Variants in LRRC4C observed in about 807,000 individuals in gnomAD.
The protein encoded by LRRC4C is leucine-rich repeat-containing protein 4C.
LRRC4C carries 5 observed loss-of-function variants against 33.6 expected under a neutral mutation model. The ratio of observed to expected loss-of-function variants is 0.15; its 90% CI spans 0.08 to 0.31. The LOEUF (loss-of-function observed/expected upper bound fraction) is 0.31. Ranked by LOEUF, LRRC4C falls within the 10% of genes least tolerant of loss-of-function variation. The pLI is 1.00. For missense variants in LRRC4C, 560 were observed against 796.7 expected (o/e 0.70, Z 3.58); for synonymous variants, 329 against 302.0 (o/e 1.09, Z -0.93).
In LRRC4C at chr11:40,570,907, A is replaced by T. The variant is rs189286883; in HGVS notation, c.-270+77235T>A. Reference sequence around the variant, plus strand: ...AAACAAAGAAATTAAAAATAAATTTAAAGATTTTTTTAAGACAAGAAAAAA... The same window carrying T: ...AAACAAAGAAATTAAAAATAAATTTTAAGATTTTTTTAAGACAAGAAAAAA... On this transcript the variant is annotated intron_variant, in intron 3 of 6. Coordinates refer to ENST00000528697, the MANE Select transcript of LRRC4C (RefSeq NM_001258419.2). Among the ~76,000 whole-genome samples the T allele has an allele frequency of 1.7e-3, 263 of 152,304 alleles. 1 individual carries two copies. The highest frequency in any genetic ancestry group is 2.9e-3 in the Non-Finnish European group (200 of 68,018).
In LRRC4C at chr11:40,115,762, T is replaced by C. The variant is rs1855382699; in HGVS notation, c.531A>G (p.Leu177=). 1 of 1,614,088 alleles carries C rather than the reference T, an allele frequency of 6.2e-7. No individual in the cohort carries two copies. The highest frequency in any genetic ancestry group is 1.3e-5 in the African/African-American group (1 of 74,930). Residue 177 remains leucine, a synonymous_variant, in exon 7 of 7, where the codon CTA becomes CTG. Coordinates refer to ENST00000528697, the MANE Select transcript of LRRC4C (RefSeq NM_001258419.2). This position sits in a 1 kb window ranked among gnomAD's most constrained non-coding sequence, Gnocchi z 6.7. ...AAAGTCTTTTCAATTCCCCTAAGTC[T>C]AGTCGGCGCAAAGAAGGAATTCTGT... ...AFNRIPSLRR[L]DLGELKRLSY...
intron 1 of LRRC4C, among the ~76,000 whole-genome samples, chr11:41,228,636 A>G (rs1458340234): frequency 1.3e-5 from 2 of 152,154 alleles, no homozygotes; most frequent in Non-Finnish European, 2.9e-5. Context: ...ACTCATTCTG[A>G]AGATTGATAT....
chr11:41,431,383 T>A (rs1283309201), intron 1 of LRRC4C, among the ~76,000 whole-genome samples: 1 of 151,854 alleles, frequency 6.6e-6, no homozygotes, highest in Non-Finnish European at 1.5e-5. Flanking sequence ...GAGAAAGAGA[T>A]CTTCCTTCCT....
intron 1 of LRRC4C, among the ~76,000 whole-genome samples, chr11:40,951,012 C>T (rs1261198776): frequency 6.6e-6 from 1 of 151,622 alleles, no homozygotes; most frequent in African/African-American, 2.4e-5. Context: ...CACGATGCAC[C>T]CAGATAAGCT....
intron 1 of LRRC4C, among the ~76,000 whole-genome samples, chr11:41,345,732 C>T (rs1200367533): frequency 6.6e-6 from 1 of 152,114 alleles, no homozygotes; most frequent in African/African-American, 2.4e-5. Context: ...CTACAGATTT[C>T]TCTCACCTCC....
intron 1 of LRRC4C, among the ~76,000 whole-genome samples, chr11:41,345,366 A>G (rs1021878451): frequency 1.3e-5 from 2 of 152,214 alleles, no homozygotes; most frequent in African/African-American, 2.4e-5. Flanking sequence ...ACTGTATTTT[A>G]AAAAATAAAA....
intron 2 of LRRC4C, among the ~76,000 whole-genome samples, chr11:40,912,297 A>G (rs1465963518): frequency 1.3e-5 from 2 of 152,142 alleles, no homozygotes; most frequent in Non-Finnish European, 2.9e-5. Context: ...AGCCAGAGAG[A>G]AAGGTTGGAT....
chr11:40,919,260 A>C (rs1404239610), intron 2 of LRRC4C, among the ~76,000 whole-genome samples: 1 of 152,146 alleles, frequency 6.6e-6, no homozygotes, highest in Non-Finnish European at 1.5e-5. Flanking sequence ...GTAGGGTCTT[A>C]TAGATCCAGG....
At chr11:40,724,957 C>T (rs1273591631) in intron 2 of LRRC4C, among the ~76,000 whole-genome samples, 3 of 152,114 alleles carry the variant, frequency 2.0e-5, no homozygotes, top group African/African-American at 7.2e-5. Flanking sequence ...ACCAAGACCC[C>T]ACGAATCTCA....
intron 3 of LRRC4C, among the ~76,000 whole-genome samples, chr11:40,556,659 G>T (rs560739815): frequency 1.3e-5 from 2 of 152,126 alleles, no homozygotes; most frequent in South Asian, 4.2e-4. Flanking sequence ...CTCTCTCTGG[G>T]GCTGTATCAC....
At chr11:41,134,837 C>G (rs1943184835) in intron 1 of LRRC4C, among the ~76,000 whole-genome samples, 2 of 152,040 alleles carry the variant, frequency 1.3e-5, no homozygotes. Flanking sequence ...TGGATACAAT[C>G]CAACTAATAA....
At chr11:41,376,759 T>G (rs1162258194) in intron 1 of LRRC4C, among the ~76,000 whole-genome samples, 1 of 152,076 alleles carries the variant, frequency 6.6e-6, no homozygotes, top group Non-Finnish European at 1.5e-5. Flanking sequence ...ACATATATTA[T>G]AAACACATTG....
chr11:41,060,429 A>G (rs541428136), intron 1 of LRRC4C, among the ~76,000 whole-genome samples: 8 of 152,284 alleles, frequency 5.3e-5, no homozygotes, highest in African/African-American at 1.4e-4. Flanking sequence ...GAAACCTATG[A>G]TCATAGTGGT....
intron 2 of LRRC4C, among the ~76,000 whole-genome samples, chr11:40,886,969 CATAT>C (rs1230468982): frequency 6.9e-6 from 1 of 145,208 alleles, no homozygotes; most frequent in African/African-American, 2.6e-5. Flanking sequence ...TATATATATA[CATAT>C]ATATATATAC....
chr11:40,760,228 T>C (rs1405643670), intron 2 of LRRC4C, among the ~76,000 whole-genome samples: 1 of 152,062 alleles, frequency 6.6e-6, no homozygotes, highest in Non-Finnish European at 1.5e-5. Context: ...TTTTGTGACA[T>C]TGAGTAATTT....
chr11:40,758,780 A>G (rs1469624031), intron 2 of LRRC4C, among the ~76,000 whole-genome samples: 1 of 151,900 alleles, frequency 6.6e-6, no homozygotes, highest in African/African-American at 2.4e-5. Flanking sequence ...GACCTTGCTC[A>G]TTTTTCATTC....
chr11:40,243,074 C>A (rs1276356685), intron 4 of LRRC4C, among the ~76,000 whole-genome samples: 2 of 152,162 alleles, frequency 1.3e-5, no homozygotes, highest in African/African-American at 4.8e-5. Context: ...AATGTTGTCT[C>A]CAATATTTCT....
At chr11:40,821,978 A>G (rs981355931) in intron 2 of LRRC4C, among the ~76,000 whole-genome samples, 2 of 151,830 alleles carry the variant, frequency 1.3e-5, no homozygotes, top group African/African-American at 4.8e-5. Context: ...AAGGATATCT[A>G]TCCCCTTAAA....
chr11:41,042,613 G>GCA (rs1167591679), intron 1 of LRRC4C, among the ~76,000 whole-genome samples: 1 of 151,914 alleles, frequency 6.6e-6, no homozygotes, highest in Non-Finnish European at 1.5e-5. Flanking sequence ...TATTTTTTCT[G>GCA]CATTTCACTC....
Sources: gnomAD v4.1 joint callset for allele counts (sites outside exome capture counted in the v4.1 genomes callset) on GRCh38, gnomAD v4.1.1 for gene constraint, Gnocchi (gnomAD v3.1) non-coding constraint, MANE v1.5 for transcripts, NCBI Gene and HGNC (gene_info 2026-07-23, HGNC 2026-07-21) for gene names.